Variants in FSIP2 observed in about 807,000 individuals in gnomAD.
FSIP2 encodes the protein fibrous sheath interacting protein 2, also known as fibrous sheath-interacting protein 2.
In FSIP2, 367 loss-of-function variants were observed where a neutral mutation model predicts 510.5. The ratio of observed to expected loss-of-function variants is 0.72; its 90% CI spans 0.66 to 0.78. The LOEUF (loss-of-function observed/expected upper bound fraction) is 0.78, where lower values mean the gene tolerates loss of function less well. Among genes scored for constraint, FSIP2 ranks in the 30% least tolerant of loss-of-function variants. The pLI is 0.00. For missense variants in FSIP2, 7,594 were observed against 7,901.7 expected, an observed-to-expected ratio of 0.96 and a Z score of 1.48; for synonymous variants, 2,601 against 2,732.2, an observed-to-expected ratio of 0.95 and a Z score of 1.50.
chr2:185,808,292 T>G lies in FSIP2; in HGVS notation c.18986T>G (p.Leu6329Arg). The change falls in exon 17 of 23, where the codon CTT (leucine) becomes CGT (arginine). Residue 6329 changes from leucine to arginine, a missense_variant. Physicochemically the swap from Leu to Arg is moderately radical, Grantham distance 102 (BLOSUM62 -2). Coordinates refer to ENST00000424728, the MANE Select transcript of FSIP2 (RefSeq NM_173651.4). ...AAAGTGATCAAAATTATTGATGAAC[T>G]TAAGTCTAAGGAAAAGTCTTCATCC... is the stretch of plus-strand genomic sequence containing the variant. ...MEKVIKIIDE[L>R]KSKEKSSSRK... 2 of 1,605,608 alleles carry G rather than the reference T, an allele frequency of 1.2e-6. No homozygotes were observed. The highest frequency in any genetic ancestry group is 1.7e-6 in the Non-Finnish European group (2 of 1,177,366).
chr2:185,762,251 T>C (rs558001202), intron 11 of FSIP2, among the ~76,000 whole-genome samples: 1 of 151,302 alleles, frequency 6.6e-6, no homozygotes, highest in Non-Finnish European at 1.5e-5. Context: ...GGGTCCTTGC[T>C]GTAGCTGTTT....
In FSIP2 at chr2:185,802,434, A is replaced by AGTT; in HGVS notation, c.13129_13131dup (p.Val4377dup). ...ATATTGTGGATGAACTTGCCACCTC[A>AGTT]GTTTATAGAAATGCTTTAAAGCAGC... is the stretch of plus-strand genomic sequence containing the variant. On this transcript the variant is annotated inframe_insertion, in exon 17 of 23. Transcript: ENST00000424728. The AGTT allele has an allele frequency of 2.6e-6, 4 of 1,533,924 alleles. No individual in the cohort carries two copies. Among genetic ancestry groups the AGTT allele is most frequent in the Non-Finnish European group, 3.5e-6 (4 of 1,145,476 alleles).
Position 185,794,228 on chromosome 2 carries a change from A to T in FSIP2, c.7092A>T (p.Lys2364Asn). 6.5e-7 allele frequency: 1 copy of T among 1,534,608 alleles called. No individual in the cohort carries two copies. Among genetic ancestry groups the T allele is most frequent in the Non-Finnish European group, 8.7e-7 (1 of 1,145,858 alleles). The change falls in exon 16 of 23, where the codon AAA becomes AAT. Residue 2364 changes from lysine (K) to asparagine (N), a missense_variant. Transcript: ENST00000424728. Reference sequence around the variant, plus strand: ...CCAGTGCCATTTTGAAGCTTATTAAAAATGACTTAGACTTAGAAATTCAAA... The same window carrying T: ...CCAGTGCCATTTTGAAGCTTATTAATAATGACTTAGACTTAGAAATTCAAA... Reference protein sequence around the residue: ...VIASAILKLIKNDLDLEIQKI... With the variant: ...VIASAILKLINNDLDLEIQKI...
At chr2:185,771,856 T>G (rs1233040967) in intron 13 of FSIP2, among the ~76,000 whole-genome samples, 1 of 152,198 alleles carries the variant, frequency 6.6e-6, no homozygotes, top group Non-Finnish European at 1.5e-5. Context: ...TTTGCTTCCC[T>G]TTTAAATATA....
chr2:185,795,331 C>T lies in FSIP2; in HGVS notation c.8195C>T (p.Thr2732Ile), dbSNP rs1164029517. The change falls in exon 16 of 23, where the codon ACT (threonine) becomes ATT (isoleucine). Residue 2732 changes from threonine to isoleucine, a missense_variant. Coordinates refer to ENST00000424728, the MANE Select transcript of FSIP2 (RefSeq NM_173651.4). ...AKNLLDTKLP[T>I]SELKIYAKDI... is the part of the protein sequence containing the mutation. ...AATTTACTGGACACAAAATTGCCCA[C>T]TTCAGAACTAAAAATATATGCCAAG... is the stretch of plus-strand genomic sequence containing the variant. The T allele has an allele frequency of 8.5e-6, 13 of 1,534,748 alleles. No homozygotes were observed. The highest frequency in any genetic ancestry group is 4.8e-5 in the South Asian group (4 of 84,042).
chr2:185,774,721 TCCCTCCC>T (rs1692681476), intron 13 of FSIP2, among the ~76,000 whole-genome samples: 1 of 113,652 alleles, frequency 8.8e-6, no homozygotes. Flanking sequence ...CCCAATGCTA[TCCCTCCC>T]CCCTCCCCCC....
At chr2:185,785,195 C>T (rs958422502) in intron 14 of FSIP2, among the ~76,000 whole-genome samples, 1 of 151,994 alleles carries the variant, frequency 6.6e-6, no homozygotes, top group African/African-American at 2.4e-5. Flanking sequence ...TTGAGTTGAC[C>T]TAAGAAACCA....
intron 13 of FSIP2, chr2:185,764,770 G>T: frequency 2.1e-6 from 1 of 477,364 alleles, no homozygotes; most frequent in Non-Finnish European, 3.7e-6. Context: ...AAGGAAGTGG[G>T]TATGTGTAAA....
chr2:185,800,720 G>A lies in FSIP2; in HGVS notation c.11414G>A (p.Arg3805His), dbSNP rs754806977. 19 of 1,533,404 alleles carry A rather than the reference G, an allele frequency of 1.2e-5. No homozygotes were observed. In the South Asian group the frequency reaches 1.6e-4, roughly 13 times the overall value. 95.0% of individuals were successfully genotyped at this position (1,533,404 alleles called of 1,614,324 possible). ...GTAGAAGATGGAAAATCTGATTATCGTAAGGGAGGAATGGACTGTGAATGC... is the reference window on the plus strand; with the variant it reads ...GTAGAAGATGGAAAATCTGATTATCATAAGGGAGGAATGGACTGTGAATGC... ...QSVEDGKSDYRKGGMDCECLQ... is the reference protein window; with the variant it reads ...QSVEDGKSDYHKGGMDCECLQ... The change falls in exon 17 of 23, where the codon CGT becomes CAT. Residue 3805 changes from arginine to histidine, a missense_variant. Physicochemically the swap from Arg to His is conservative, Grantham distance 29. Transcript: ENST00000424728.
intron 9 of FSIP2, among the ~76,000 whole-genome samples, chr2:185,758,843 C>T (rs1190859416): frequency 1.3e-5 from 2 of 151,166 alleles, no homozygotes; most frequent in African/African-American, 2.4e-5. Context: ...TATGCAAATA[C>T]CTCAATTTTC....
chr2:185,824,336 T>C, intron 19 of FSIP2, 98 bp from the exon 20 acceptor site: 1 of 784,156 alleles, frequency 1.3e-6, no homozygotes, highest in Admixed American at 2.4e-5. Flanking sequence ...CTATTTCAGG[T>C]TTCTTTCCAT....
intron 9 of FSIP2, 53 bp from the exon 10 acceptor site, chr2:185,760,935 A>G: frequency 1.7e-6 from 1 of 587,400 alleles, no homozygotes. Flanking sequence ...GTACTTTCCT[A>G]AAGCTGTTAA....
chr2:185,789,177 A>T lies in FSIP2; in HGVS notation c.2041A>T (p.Lys681Ter). 6.5e-7 allele frequency: 1 copy of T among 1,534,848 alleles called. No homozygotes were observed. Among genetic ancestry groups the T allele is most frequent in the Non-Finnish European group, 8.7e-7 (1 of 1,145,888 alleles). ...GSSLHCDKTA[K>*]AMDEMKNLKN... ...TTCATTGCATTGTGATAAAACAGCAAAAGCCATGGATGAAATGAAGAATTT... is the reference window on the plus strand; with the variant it reads ...TTCATTGCATTGTGATAAAACAGCATAAGCCATGGATGAAATGAAGAATTT... Residue 681 changes from lysine (K) to a stop codon, truncating the protein, a stop_gained, in exon 16 of 23, where the codon AAA becomes TAA. Coordinates refer to ENST00000424728, the MANE Select transcript of FSIP2 (RefSeq NM_173651.4). LOFTEE classifies it high-confidence loss of function.
chr2:185,806,320 T>A lies in FSIP2; in HGVS notation c.17014T>A (p.Ser5672Thr), dbSNP rs1223865656. Residue 5672 changes from serine (S) to threonine (T), a missense_variant, in exon 17 of 23, where the codon TCA becomes ACA. Physicochemically the swap from Ser to Thr is moderately conservative, Grantham distance 58. Coordinates refer to ENST00000424728, the MANE Select transcript of FSIP2 (RefSeq NM_173651.4). ...TQTCRDEEHH[S>T]DYEHVQNVIE... is the part of the protein sequence containing the mutation. Reference sequence around the variant, plus strand: ...AACGTGTAGGGATGAGGAACACCACTCAGATTATGAACATGTTCAAAATGT... The same window carrying A: ...AACGTGTAGGGATGAGGAACACCACACAGATTATGAACATGTTCAAAATGT... 2 of 1,609,018 alleles carry A rather than the reference T, an allele frequency of 1.2e-6. No homozygotes were observed. The highest frequency in any genetic ancestry group is 1.7e-4 in the Middle Eastern group (1 of 6,014).
At chr2:185,829,495 G>T (rs1694070667) in intron 21 of FSIP2, among the ~76,000 whole-genome samples, 1 of 152,000 alleles carries the variant, frequency 6.6e-6, no homozygotes, top group African/African-American at 2.4e-5. Flanking sequence ...CAACTGGATA[G>T]AACATAGCTC....
In FSIP2 at chr2:185,801,074, G is replaced by A. The variant is rs1411485734; in HGVS notation, c.11768G>A (p.Ser3923Asn). The A allele has an allele frequency of 1.3e-6, 2 of 1,531,972 alleles. No homozygotes were observed. Among genetic ancestry groups the A allele is most frequent in the African/African-American group, 2.7e-5 (2 of 72,750 alleles). 94.9% of individuals were successfully genotyped at this position (1,531,972 alleles called of 1,614,324 possible). ...TCCCTGAATAATCCCAGTGTGGTTAGCTCCAAAATACAAGCACCATTTAAC... is the reference window on the plus strand; with the variant it reads ...TCCCTGAATAATCCCAGTGTGGTTAACTCCAAAATACAAGCACCATTTAAC... ...TVSLNNPSVV[S>N]SKIQAPFNKH... is the part of the protein sequence containing the mutation. Residue 3923 changes from serine to asparagine, a missense_variant, in exon 17 of 23, where the codon AGC becomes AAC. Transcript: ENST00000424728.
rs1271640101 is a variant in FSIP2, at chr2:185,789,184, T to C, written c.2048T>C (p.Met683Thr). The C allele has an allele frequency of 6.5e-7, 1 of 1,534,522 alleles. No homozygotes were observed. Residue 683 changes from methionine to threonine, a missense_variant, in exon 16 of 23, where the codon ATG becomes ACG. Transcript: ENST00000424728. ...SLHCDKTAKA[M>T]DEMKNLKNVF... Reference sequence around the variant, plus strand: ...CATTGTGATAAAACAGCAAAAGCCATGGATGAAATGAAGAATTTAAAAAAT... The same window carrying C: ...CATTGTGATAAAACAGCAAAAGCCACGGATGAAATGAAGAATTTAAAAAAT...
At chr2:185,742,177 A>G (rs1691937189) in intron 2 of FSIP2, among the ~76,000 whole-genome samples, 1 of 152,212 alleles carries the variant, frequency 6.6e-6, no homozygotes, top group African/African-American at 2.4e-5. Flanking sequence ...AACAGAAAGA[A>G]GAGATGTAAA....
At chr2:185,762,680 A>G (rs1409477389) in intron 11 of FSIP2, among the ~76,000 whole-genome samples, 2 of 151,032 alleles carry the variant, frequency 1.3e-5, no homozygotes, top group African/African-American at 4.8e-5. Context: ...ATTTATTTTG[A>G]TCTTCACTTT....
Sources: allele counts gnomAD v4.1 joint callset (sites outside exome capture counted in the v4.1 genomes callset), GRCh38; gene constraint gnomAD v4.1.1; transcripts MANE v1.5; gene names NCBI Gene and HGNC (gene_info 2026-07-23, HGNC 2026-07-21).